The following FREM2 variants were observed in gnomAD, a reference collection of about 807,000 sequenced individuals.
FREM2 encodes the protein FRAS1-related extracellular matrix protein 2.
FREM2 carries 119 observed loss-of-function variants against 219.9 expected under a neutral mutation model. The ratio of observed to expected loss-of-function variants is 0.54; its 90% CI spans 0.47 to 0.63. The LOEUF (loss-of-function observed/expected upper bound fraction) is 0.63, where lower values mean the gene tolerates loss of function less well. Ranked by LOEUF, FREM2 falls within the 30% of genes least tolerant of loss-of-function variation. The pLI, the probability that FREM2 is intolerant of heterozygous loss-of-function variation, is 0.00. For synonymous variants in FREM2, 1,562 were observed against 1,522.8 expected (o/e 1.03, Z -0.60); for missense variants, 4,030 against 3,993.6 (o/e 1.01, Z -0.25).
At chr13:38,729,185 AT>A (rs145017809) in intron 2 of FREM2, among the ~76,000 whole-genome samples, 7,756 of 149,140 alleles carry the variant, frequency 0.052, 634 homozygotes, top group African/African-American at 0.18. Flanking sequence ...GATCACTGGC[AT>A]TTTTTTTTTC....
chr13:38,805,284 A>G (rs1357557780), intron 6 of FREM2, among the ~76,000 whole-genome samples: 1 of 151,892 alleles, frequency 6.6e-6, no homozygotes, highest in Non-Finnish European at 1.5e-5. Flanking sequence ...ACTCACTGCT[A>G]AGAAAAACCT....
Position 38,861,485 on chromosome 13 carries a change from A to C in FREM2, c.7574A>C (p.Lys2525Thr). 1 of 1,613,824 alleles carries C rather than the reference A, an allele frequency of 6.2e-7. No homozygotes were observed. The highest frequency in any genetic ancestry group is 8.5e-7 in the Non-Finnish European group (1 of 1,179,940). ...GVVGAEPFSA[K>T]LRYTGPEDAD... ...GTTGGAGCAGAGCCGTTCTCAGCTAAATTGCGCTACACAGGCCCTGAGGAT... is the reference window on the plus strand; with the variant it reads ...GTTGGAGCAGAGCCGTTCTCAGCTACATTGCGCTACACAGGCCCTGAGGAT... The change falls in exon 15 of 24, where the codon AAA becomes ACA. Residue 2525 changes from lysine (K) to threonine (T), a missense_variant. Lys to Thr is a moderately conservative substitution (Grantham distance 78, BLOSUM62 -1). Transcript: ENST00000280481.
chr13:38,873,692 A>G (rs2137935051), intron 17 of FREM2, among the ~76,000 whole-genome samples: 1 of 152,334 alleles, frequency 6.6e-6, no homozygotes, highest in South Asian at 2.1e-4. Context: ...TTCCACAAAC[A>G]TCCATAGTGT....
In FREM2 at chr13:38,690,686, T is replaced by C; in HGVS notation, c.3342T>C (p.Tyr1114=). ...CTIVIQPTSG[Y]VENISPAPGS... ...TAGTTATTCAGCCTACTTCAGGTTA[T>C]GTTGAAAACATTTCTCCAGCACCAG... Residue 1114 remains tyrosine, a synonymous_variant, in exon 1 of 24, where the codon TAT becomes TAC. Coordinates refer to ENST00000280481, the MANE Select transcript of FREM2 (RefSeq NM_207361.6). The C allele has an allele frequency of 6.2e-7, 1 of 1,614,060 alleles. No homozygotes were observed. Among genetic ancestry groups the C allele is most frequent in the Non-Finnish European group, 8.5e-7 (1 of 1,180,040 alleles).
intron 14 of FREM2, 114 bp downstream of exon 14, chr13:38,859,704 A>G: frequency 9.6e-7 from 1 of 1,046,468 alleles, no homozygotes; most frequent in Non-Finnish European, 1.4e-6. Context: ...ATATTTTGTA[A>G]GTAGTGAAAA....
rs562690183 is a variant in FREM2, at chr13:38,884,341, A to C, written c.*3554A>C. The C allele has an allele frequency of 5.3e-5, 8 of 152,316 alleles. No homozygotes were observed. The highest frequency in any genetic ancestry group is 1.9e-4 in the African/African-American group (8 of 41,570). 9.4% of individuals were successfully genotyped at this position (152,316 alleles called of 1,614,324 possible). ...TATCACAGAGAGCTTTTCCTTATAC[A>C]TCTCAATGCTGAGAGTTAAAATATT... On this transcript the variant is annotated 3_prime_UTR_variant, in exon 24 of 24. Transcript: ENST00000280481.
intron 6 of FREM2, among the ~76,000 whole-genome samples, chr13:38,796,636 TA>T (rs1192147184): frequency 1.3e-5 from 2 of 152,180 alleles, no homozygotes; most frequent in Non-Finnish European, 2.9e-5. Flanking sequence ...TGTGAATTCA[TA>T]AGTATACATG....
At chr13:38,791,950 A>G (rs1874580162) in intron 6 of FREM2, among the ~76,000 whole-genome samples, 1 of 152,048 alleles carries the variant, frequency 6.6e-6, no homozygotes, top group Admixed American at 6.6e-5. Context: ...AGCAAACCCT[A>G]TTTTTTGTCA....
chr13:38,762,379 G>A (rs1873260253), intron 2 of FREM2, among the ~76,000 whole-genome samples: 1 of 152,096 alleles, frequency 6.6e-6, no homozygotes, highest in African/African-American at 2.4e-5. Context: ...AGTTTCATCA[G>A]CGCAAAATGT....
rs1566166792 is a variant in FREM2 at position 38,851,886 on chromosome 13, C to T, written c.6925+18C>T. ...GTCAGAAGGTATGGGGCTCCCAGGGCCTGTCTCCTGATGGATCATGCCAAC... is the reference window on the plus strand; with the variant it reads ...GTCAGAAGGTATGGGGCTCCCAGGGTCTGTCTCCTGATGGATCATGCCAAC... On this transcript the variant is annotated intron_variant, in intron 11 of 23. Coordinates refer to ENST00000280481, the MANE Select transcript of FREM2 (RefSeq NM_207361.6). 6.2e-7 allele frequency: 1 copy of T among 1,607,178 alleles called. No individual in the cohort carries two copies. The highest frequency in any genetic ancestry group is 1.1e-5 in the South Asian group (1 of 90,914).
intron 2 of FREM2, among the ~76,000 whole-genome samples, chr13:38,717,787 C>T (rs1161076905): frequency 2.6e-5 from 4 of 152,242 alleles, no homozygotes; most frequent in South Asian, 2.1e-4. Context: ...TAAGTTCCCA[C>T]GATTCAAGCT....
intron 2 of FREM2, among the ~76,000 whole-genome samples, chr13:38,749,644 T>TA (rs1872646377): frequency 6.6e-6 from 1 of 152,014 alleles, no homozygotes; most frequent in Non-Finnish European, 1.5e-5. Context: ...CCCTGGCCCC[T>TA]ACCCATTAGA....
intron 4 of FREM2, among the ~76,000 whole-genome samples, chr13:38,773,260 C>T (rs1178890315): frequency 6.6e-6 from 1 of 152,114 alleles, no homozygotes; most frequent in African/African-American, 2.4e-5. Context: ...TAATACCTCA[C>T]CCCCTGCCCC....
chr13:38,859,840 C>T (rs1877699544), intron 14 of FREM2, among the ~76,000 whole-genome samples: 2 of 151,734 alleles, frequency 1.3e-5, no homozygotes, highest in East Asian at 3.9e-4. Context: ...AGACAGGATC[C>T]CTGCTTTTGA....
At position 38,688,216 on chromosome 13, in the gene FREM2, C is replaced by T. The variant is rs1350133718; in HGVS notation, c.872C>T (p.Ala291Val). Residue 291 changes from alanine (A) to valine (V), a missense_variant, in exon 1 of 24, where the codon GCT becomes GTT. Ala to Val is a moderately conservative substitution (Grantham distance 64). Transcript: ENST00000280481. ...PMVVELRSRGAPVGSPALKRE... is the reference protein window; with the variant it reads ...PMVVELRSRGVPVGSPALKRE... ...GTGGTGGAGCTGCGTTCACGAGGGG[C>T]TCCTGTGGGCAGCCCTGCTTTGAAA... The T allele has an allele frequency of 2.5e-6, 4 of 1,613,088 alleles. No individual in the cohort carries two copies. Among genetic ancestry groups the T allele is most frequent in the Non-Finnish European group, 2.5e-6 (3 of 1,179,570 alleles).
At chr13:38,865,939 AC>A (rs2137927119) in intron 16 of FREM2, among the ~76,000 whole-genome samples, 1 of 152,350 alleles carries the variant, frequency 6.6e-6, no homozygotes, top group South Asian at 2.1e-4. Context: ...CCTGAAAGAA[AC>A]ATGGAAAAAT....
intron 2 of FREM2, among the ~76,000 whole-genome samples, chr13:38,758,828 G>A (rs139200325): frequency 2.0e-4 from 31 of 152,300 alleles, no homozygotes; most frequent in Non-Finnish European, 3.1e-4. Flanking sequence ...GCTAATCACC[G>A]TCCTTGCTGT....
chr13:38,798,096 C>T (rs1214188037), intron 6 of FREM2, among the ~76,000 whole-genome samples: 3 of 151,890 alleles, frequency 2.0e-5, no homozygotes, highest in South Asian at 2.1e-4. Context: ...TTGAACATGA[C>T]GTTAGCTGTG....
intron 2 of FREM2, among the ~76,000 whole-genome samples, chr13:38,751,213 A>G (rs1054851058): frequency 4.4e-5 from 6 of 135,284 alleles, no homozygotes; most frequent in Non-Finnish European, 7.7e-5. Context: ...TTTTTTGAGG[A>G]ACTTCTGTAT....
Sources: allele counts gnomAD v4.1 joint callset (sites outside exome capture counted in the v4.1 genomes callset), GRCh38; gene constraint gnomAD v4.1.1; transcripts MANE v1.5; gene names NCBI Gene and HGNC (gene_info 2026-07-23, HGNC 2026-07-21).